Variants in SMURF1 observed in about 807,000 individuals in gnomAD.
The protein encoded by SMURF1 is E3 ubiquitin-protein ligase SMURF1.
In SMURF1, 44 loss-of-function variants were observed where a neutral mutation model predicts 98.0. The ratio of observed to expected loss-of-function variants is 0.45; its 90% CI spans 0.35 to 0.58. The LOEUF (loss-of-function observed/expected upper bound fraction) is 0.58, where lower values mean the gene tolerates loss of function less well. Among genes scored for constraint, SMURF1 ranks in the 20% least tolerant of loss-of-function variants. The pLI is 0.00. For synonymous variants in SMURF1, 396 were observed against 374.9 expected, an observed-to-expected ratio of 1.06 and a Z score of -0.65; for missense variants, 687 against 938.4, an observed-to-expected ratio of 0.73 and a Z score of 3.50.
rs924755984 is a variant in SMURF1, at chr7:99,069,111, G to T, written c.56-7274C>A. 3.3e-5 allele frequency among the ~76,000 whole-genome samples: 5 copies of T among 152,182 alleles called. No individual in the cohort carries two copies. In the South Asian group the frequency reaches 1.0e-3, roughly 32 times the overall value. ...AAATGTTCTTTCTTTAATGAAAGAG[G>T]TAACAAAAAACGGTGACAGAGCAGT... On this transcript the variant is annotated intron_variant, in intron 1 of 17. Coordinates refer to ENST00000361368, the MANE Select transcript of SMURF1 (RefSeq NM_181349.3).
intron 1 of SMURF1, among the ~76,000 whole-genome samples, chr7:99,103,331 T>G (rs1797131004): frequency 1.3e-5 from 2 of 152,204 alleles, no homozygotes; most frequent in South Asian, 2.1e-4. Context: ...AAACACATTT[T>G]CATTCCAATA....
At chr7:99,133,915 C>A (rs184018497) in intron 1 of SMURF1, among the ~76,000 whole-genome samples, 11 of 152,198 alleles carry the variant, frequency 7.2e-5, no homozygotes, top group South Asian at 2.1e-4. Context: ...CAGTAAGATT[C>A]CATTAATACA....
intron 1 of SMURF1, among the ~76,000 whole-genome samples, chr7:99,112,749 TCTAAAGAA>T (rs1207930402): frequency 6.6e-6 from 1 of 152,074 alleles, no homozygotes; most frequent in Non-Finnish European, 1.5e-5. Context: ...AAAAGCCAGG[TCTAAAGAA>T]CTAATGGAAA....
At chr7:99,038,105 GC>G (rs1261610280) in intron 14 of SMURF1, among the ~76,000 whole-genome samples, 1 of 152,010 alleles carries the variant, frequency 6.6e-6, no homozygotes, top group East Asian at 1.9e-4. Context: ...TCTCTCCTTT[GC>G]CCCCCACCTT....
intron 16 of SMURF1, among the ~76,000 whole-genome samples, chr7:99,033,341 C>T (rs190342257): frequency 7.2e-5 from 11 of 152,308 alleles, no homozygotes; most frequent in Non-Finnish European, 1.2e-4. Context: ...GACAGGGTCT[C>T]ACTCTGTTGC....
Position 99,108,772 on chromosome 7 carries a change from C to T in SMURF1, c.55+34954G>A, listed in dbSNP as rs530438150. ...CTAAAGTAATATGCACACTTTAAAT[C>T]AAGGAAGAAGTTTAGTAAGAAGGCT... On this transcript the variant is annotated intron_variant, in intron 1 of 17. Coordinates refer to ENST00000361368, the MANE Select transcript of SMURF1 (RefSeq NM_181349.3). 2.6e-5 allele frequency among the ~76,000 whole-genome samples: 4 copies of T among 152,138 alleles called. No individual in the cohort carries two copies. In the South Asian group the frequency reaches 8.3e-4, roughly 32 times the overall value.
chr7:99,067,140 C>A (rs1796214277), intron 1 of SMURF1, among the ~76,000 whole-genome samples: 1 of 151,574 alleles, frequency 6.6e-6, no homozygotes, highest in African/African-American at 2.4e-5. Flanking sequence ...GGATTACAGG[C>A]ACACACACCA....
intron 1 of SMURF1, among the ~76,000 whole-genome samples, chr7:99,080,080 GAAAAT>G (rs1796548625): frequency 6.6e-6 from 1 of 150,648 alleles, no homozygotes; most frequent in Non-Finnish European, 1.5e-5. Flanking sequence ...GACAAAAGGA[GAAAAT>G]AAAACCACAA....
At chr7:99,043,763 A>T (rs1709724) in intron 11 of SMURF1, among the ~76,000 whole-genome samples, 18,235 of 152,184 alleles carry the variant, frequency 0.12, 3,404 homozygotes, top group African/African-American at 0.4. Context: ...GACTGCATGT[A>T]GTTTGACTCT....
At chr7:99,093,333 T>C (rs1796856374) in intron 1 of SMURF1, among the ~76,000 whole-genome samples, 1 of 152,356 alleles carries the variant, frequency 6.6e-6, no homozygotes, top group Admixed American at 6.5e-5. Flanking sequence ...TTTTTGATCA[T>C]TGTCAAATTT....
At chr7:99,093,331 C>T (rs1467220441) in intron 1 of SMURF1, among the ~76,000 whole-genome samples, 3 of 152,152 alleles carry the variant, frequency 2.0e-5, no homozygotes, top group Non-Finnish European at 4.4e-5. Flanking sequence ...CGTTTTTGAT[C>T]ATTGTCAAAT....
chr7:99,028,646 C>A lies in SMURF1; in HGVS notation c.*1938G>T, dbSNP rs1180022613. ...AAATGCAACATTCCTGCTTCAAAGT[C>A]TTTTAAACCATGAGACCCTGGTTTC... On this transcript the variant is annotated 3_prime_UTR_variant, in exon 18 of 18. Transcript: ENST00000361368. The A allele has an allele frequency of 6.6e-6, 1 of 152,248 alleles. No homozygotes were observed. Among genetic ancestry groups the A allele is most frequent in the African/African-American group, 2.4e-5 (1 of 41,450 alleles). 9.4% of individuals were successfully genotyped at this position (152,248 alleles called of 1,614,324 possible).
intron 1 of SMURF1, among the ~76,000 whole-genome samples, chr7:99,117,139 C>A (rs1797475815): frequency 6.6e-6 from 1 of 151,716 alleles, no homozygotes; most frequent in Admixed American, 6.6e-5. Flanking sequence ...GGTGCAGGAA[C>A]AACTGGATAT....
At chr7:99,084,911 C>A (rs1205872378) in intron 1 of SMURF1, among the ~76,000 whole-genome samples, 1 of 152,064 alleles carries the variant, frequency 6.6e-6, no homozygotes, top group Non-Finnish European at 1.5e-5. Context: ...TTTAACACCA[C>A]CCTCCTTGGT....
chr7:99,038,314 G>A (rs550759566), intron 14 of SMURF1, 74 bp downstream of exon 14: 68 of 1,555,534 alleles, frequency 4.4e-5, no homozygotes, highest in South Asian at 1.3e-4. Flanking sequence ...CTCACACAGC[G>A]AAGGAGCTAC....
At chr7:99,140,704 CG>C (rs1470538981) in intron 1 of SMURF1, among the ~76,000 whole-genome samples, 20 of 152,208 alleles carry the variant, frequency 1.3e-4, no homozygotes, top group Non-Finnish European at 2.8e-4. Context: ...GCGTGAGCCA[CG>C]GCGCCAGGCC....
intron 1 of SMURF1, among the ~76,000 whole-genome samples, chr7:99,110,095 T>C (rs1797285791): frequency 6.6e-6 from 1 of 152,172 alleles, no homozygotes; most frequent in Non-Finnish European, 1.5e-5. Flanking sequence ...ACTGAAAAAC[T>C]ATTATAAAGA....
At chr7:99,071,640 TTTTTCTTAAGTATTATAGGCTAACACC>T (rs762144904) in intron 1 of SMURF1, among the ~76,000 whole-genome samples, 4 of 152,220 alleles carry the variant, frequency 2.6e-5, no homozygotes, top group Admixed American at 6.5e-5. Context: ...TTCGTTTGGT[TTTTTCTTAAGTATTATAGGCTAACACC>T]TTTGCTTTGG....
chr7:99,060,491 T>C (rs1312856611), intron 3 of SMURF1, 108 bp downstream of exon 3: 8 of 639,246 alleles, frequency 1.3e-5, no homozygotes, highest in African/African-American at 3.8e-5. Context: ...GCTTTTGTTA[T>C]CAATAAAAAG....
Sources: allele counts gnomAD v4.1 joint callset (sites outside exome capture counted in the v4.1 genomes callset), GRCh38; gene constraint gnomAD v4.1.1; transcripts MANE v1.5; gene names NCBI Gene and HGNC (gene_info 2026-07-23, HGNC 2026-07-21).